Variants in UBR4 observed in about 807,000 individuals in gnomAD.
UBR4 encodes E3 ubiquitin-protein ligase UBR4.
In UBR4, 124 loss-of-function variants were observed where a neutral mutation model predicts 575.6. That is an observed-to-expected ratio of 0.22 (90% CI 0.19 to 0.25). UBR4 has a LOEUF of 0.25. Ranked by LOEUF, UBR4 falls within the 10% of genes least tolerant of loss-of-function variation. The pLI is 1.00. For missense variants in UBR4, 4,818 were observed against 6,478.8 expected, an observed-to-expected ratio of 0.74 and a Z score of 8.80; for synonymous variants, 2,455 against 2,473.7, an observed-to-expected ratio of 0.99 and a Z score of 0.22.
chr1:19,105,496 G>T (rs79716410), intron 84 of UBR4, among the ~76,000 whole-genome samples: 4 of 152,172 alleles, frequency 2.6e-5, no homozygotes, highest in Admixed American at 2.6e-4. Context: ...ACTCAATCTC[G>T]ATCAATATTA....
chr1:19,092,438 C>T (rs187792292), intron 97 of UBR4, among the ~76,000 whole-genome samples: 5 of 151,480 alleles, frequency 3.3e-5, no homozygotes, highest in East Asian at 1.9e-4. Context: ...GAATGAGCTG[C>T]GGAGTGGAAT....
rs112026866 is a variant in UBR4, at chr1:19,187,515, C to T, written c.1420G>A (p.Val474Ile). Residue 474 changes from valine to isoleucine, a missense_variant, in exon 12 of 106, where the codon GTA becomes ATA. Coordinates refer to ENST00000375254, the MANE Select transcript of UBR4 (RefSeq NM_020765.3). ...KGHQGFGVLS[V>I]ILANHAIKLL... The stretch of plus-strand genomic sequence containing the variant: ...TTGATGGCATGGTTTGCCAATATTA[C>T]TGAGAGTACCCCAAATCCCTGATGC... 1.7e-5 allele frequency: 28 copies of T among 1,613,798 alleles called. No individual in the cohort carries two copies. Among genetic ancestry groups the T allele is most frequent in the African/African-American group, 1.3e-4 (10 of 75,038 alleles).
chr1:19,179,361 G>A, intron 17 of UBR4, 141 bp from the exon 18 acceptor site: 1 of 885,292 alleles, frequency 1.1e-6, no homozygotes. Context: ...TTCAGATTTT[G>A]GAATAGTTTG....
rs745771473 is a variant in UBR4, at chr1:19,106,573, C to T, written c.12389G>A (p.Arg4130Gln). ...AGTCCAGAAGTGGCCACTCACTTGTCGCAGCCAGTTGTTATGCCCCAGTTT... is the reference window on the plus strand; with the variant it reads ...AGTCCAGAAGTGGCCACTCACTTGTTGCAGCCAGTTGTTATGCCCCAGTTT... ...DLKLGHNNWL[R>Q]QVLFTPATQA... The change falls in exon 83 of 106, where the codon CGA (arginine) becomes CAA (glutamine). Residue 4130 changes from arginine to glutamine, a missense_variant. This residue lies in a region of UBR4 where 178 missense variants were observed against 175.5 expected (regional missense o/e 1.01). Transcript: ENST00000375254. 21 of 1,560,632 alleles carry T rather than the reference C, an allele frequency of 1.3e-5. No homozygotes were observed. In the East Asian group the frequency reaches 1.3e-4, roughly 10 times the overall value.
rs533125678 is a variant in UBR4, at chr1:19,199,828, G to A, written c.275-74C>T. 25 of 1,340,068 alleles carry A rather than the reference G, an allele frequency of 1.9e-5. No individual in the cohort carries two copies. The African/African-American group carries it at 3.2e-4, about 17-fold the overall frequency. 83.0% of individuals were successfully genotyped at this position (1,340,068 alleles called of 1,614,324 possible). A position where few individuals can be genotyped will look rare whatever the true frequency, so the allele number is the denominator to read the frequency against. On this transcript the variant is annotated intron_variant, in intron 2 of 105. Transcript: ENST00000375254. Reference sequence around the variant, plus strand: ...CAATAAATTAAGCAAAGTAAGTATTGAGCTCTATGTCCAACATTCCCAATA... The same window carrying A: ...CAATAAATTAAGCAAAGTAAGTATTAAGCTCTATGTCCAACATTCCCAATA...
At chr1:19,096,491 C>A (rs769216795) in intron 92 of UBR4, 32 bp downstream of exon 92, 2 of 1,605,238 alleles carry the variant, frequency 1.2e-6, no homozygotes, top group South Asian at 2.2e-5. Flanking sequence ...TGCAGAAAGG[C>A]TGGCCCCCAC....
At chr1:19,162,655 A>C in intron 34 of UBR4, 44 bp from the exon 35 acceptor site, 1 of 1,567,338 alleles carries the variant, frequency 6.4e-7, no homozygotes, top group Non-Finnish European at 8.7e-7. Context: ...TCCATGTTTC[A>C]TTATGTAAAC....
intron 51 of UBR4, 102 bp from the exon 52 acceptor site, chr1:19,147,102 T>G (rs1571108882): frequency 1.5e-6 from 2 of 1,339,776 alleles, no homozygotes; most frequent in Non-Finnish European, 1.0e-6. Flanking sequence ...TATTACCTCC[T>G]CTCAAGAGAA....
chr1:19,078,709 A>C (rs1238842789), intron 103 of UBR4: 2 of 152,552 alleles, frequency 1.3e-5, no homozygotes, highest in African/African-American at 4.8e-5. Flanking sequence ...GTTTCTAACC[A>C]GTATCGTTGC....
intron 83 of UBR4, 23 bp from the exon 84 acceptor site, chr1:19,105,865 G>A (rs1416098701): frequency 2.6e-6 from 4 of 1,533,718 alleles, no homozygotes; most frequent in African/African-American, 1.4e-5. Context: ...GGAGAGAAGG[G>A]GTCGTAGACT....
chr1:19,122,253 G>C (rs1020612686), intron 66 of UBR4, among the ~76,000 whole-genome samples: 4 of 152,190 alleles, frequency 2.6e-5, no homozygotes, highest in Admixed American at 2.6e-4. Flanking sequence ...GCAAGGCGCT[G>C]TTTTCAGGAA....
intron 104 of UBR4, chr1:19,077,669 G>C: frequency 2.1e-6 from 2 of 963,308 alleles, no homozygotes; most frequent in Non-Finnish European, 2.9e-6. Flanking sequence ...GGATGCAGAG[G>C]TTGCAGTGAG....
intron 88 of UBR4, 84 bp downstream of exon 88, chr1:19,101,436 A>G (rs559138711): frequency 2.0e-5 from 30 of 1,494,208 alleles, no homozygotes; most frequent in Admixed American, 3.8e-5. Flanking sequence ...AATTCCCCAT[A>G]ACTTTAATGA....
At chr1:19,203,195 G>A (rs1220290429) in intron 1 of UBR4, among the ~76,000 whole-genome samples, 1 of 152,098 alleles carries the variant, frequency 6.6e-6, no homozygotes, top group East Asian at 1.9e-4. Context: ...ATCCCCAGCA[G>A]AAGTATCAAC....
intron 60 of UBR4, among the ~76,000 whole-genome samples, chr1:19,129,847 T>G (rs558895336): frequency 6.6e-6 from 1 of 152,346 alleles, no homozygotes; most frequent in East Asian, 1.9e-4. Context: ...AAGAATCTAG[T>G]TGCTGAATAA....
chr1:19,118,967 A>G lies in UBR4; in HGVS notation c.10456-10T>C. ...GTGAATACTCCTTCAACTGAAACAG[A>G]ATTCAGTAAAGAAACAACTTAAAGC... is the stretch of plus-strand genomic sequence containing the variant. On this transcript the variant is annotated splice_polypyrimidine_tract_variant and intron_variant, in intron 70 of 105. Coordinates refer to ENST00000375254, the MANE Select transcript of UBR4 (RefSeq NM_020765.3). 3.1e-6 allele frequency: 5 copies of G among 1,613,438 alleles called. No individual in the cohort carries two copies. The highest frequency in any genetic ancestry group is 4.2e-6 in the Non-Finnish European group (5 of 1,179,364).
chr1:19,110,243 G>A lies in UBR4; in HGVS notation c.11978-20C>T. The A allele has an allele frequency of 1.2e-6, 2 of 1,614,182 alleles. No individual in the cohort carries two copies. Among genetic ancestry groups the A allele is most frequent in the Non-Finnish European group, 8.5e-7 (1 of 1,180,024 alleles). ...TGAGAGCTAGGGATGGTCAGGAAAG[G>A]CAGAGTCACAATCAGGAACACTACA... On this transcript the variant is annotated intron_variant, in intron 80 of 105. Coordinates refer to ENST00000375254, the MANE Select transcript of UBR4 (RefSeq NM_020765.3). This position sits in a 1 kb window ranked among gnomAD's most constrained non-coding sequence, Gnocchi z 4.5.
chr1:19,105,130 T>C lies in UBR4; in HGVS notation c.12563A>G (p.Gln4188Arg), dbSNP rs2079045892. 6.2e-7 allele frequency: 1 copy of C among 1,614,004 alleles called. No homozygotes were observed. The highest frequency in any genetic ancestry group is 1.3e-5 in the African/African-American group (1 of 74,896). Residue 4188 changes from glutamine to arginine, a missense_variant, in exon 85 of 106, where the codon CAG becomes CGG. Around this residue, in one of 29 missense-constraint regions of UBR4, gnomAD observed 178 missense variants for 175.5 expected, o/e 1.01. Transcript: ENST00000375254. ...ECAAEYLALY[Q>R]KLITSAHWKV... ...CCAGTGCGCAGAAGTGATGAGCTTC[T>C]GGTAGAGAGCCAGGTACTCAGCTGC...
intron 60 of UBR4, among the ~76,000 whole-genome samples, chr1:19,135,185 T>G (rs578201935): frequency 6.6e-6 from 1 of 152,316 alleles, no homozygotes; most frequent in East Asian, 1.9e-4. Flanking sequence ...TTTCCTCCAT[T>G]GTACCTAAGT....
Sources: gnomAD v4.1 joint callset for allele counts (sites outside exome capture counted in the v4.1 genomes callset) on GRCh38, gnomAD v4.1.1 for gene constraint, gnomAD v4.1.1 regional missense constraint, Gnocchi (gnomAD v3.1) non-coding constraint, MANE v1.5 for transcripts, NCBI Gene and HGNC (gene_info 2026-07-23, HGNC 2026-07-21) for gene names.